EMC2: variants seen among roughly 807,000 people sequenced by gnomAD.
The protein encoded by EMC2 is ER membrane protein complex subunit 2.
Under a neutral mutation model 51.6 loss-of-function variants are expected in EMC2, and 37 were observed. The observed-to-expected ratio is 0.72, with a 90% CI of 0.55 to 0.94. The LOEUF is 0.94. Ranked by LOEUF, EMC2 falls within the 40% of genes least tolerant of loss-of-function variation. EMC2 has a pLI of 0.00. For missense variants in EMC2, 359 were observed against 350.9 expected, an observed-to-expected ratio of 1.02 and a Z score of -0.18; for synonymous variants, 131 against 112.4, an observed-to-expected ratio of 1.17 and a Z score of -1.04.
intron 7 of EMC2, among the ~76,000 whole-genome samples, chr8:108,471,358 G>T (rs1316603892): frequency 6.6e-6 from 1 of 151,512 alleles, no homozygotes; most frequent in African/African-American, 2.4e-5. Flanking sequence ...ACTTTCTAAA[G>T]ATTTTCTGAC....
At chr8:108,457,048 A>G (rs765156742) in intron 5 of EMC2, among the ~76,000 whole-genome samples, 2 of 152,194 alleles carry the variant, frequency 1.3e-5, no homozygotes, top group South Asian at 2.1e-4. Flanking sequence ...AGATTTTAAG[A>G]TGTAAAATGC....
intron 7 of EMC2, among the ~76,000 whole-genome samples, chr8:108,471,250 T>C (rs540485945): frequency 6.6e-6 from 1 of 152,102 alleles, no homozygotes; most frequent in East Asian, 1.9e-4. Context: ...TACTTATATT[T>C]AAATACATGA....
chr8:108,479,296 C>G (rs1811004707), intron 10 of EMC2, among the ~76,000 whole-genome samples, 186 bp downstream of exon 10: 1 of 152,016 alleles, frequency 6.6e-6, no homozygotes, highest in African/African-American at 2.4e-5. Context: ...CAAGAGGAAT[C>G]TGTTAGTATT....
Position 108,471,271 on chromosome 8 carries a change from TTAGAG to T in EMC2, c.509+1153_509+1157del, listed in dbSNP as rs886760533. On this transcript the variant is annotated intron_variant, in intron 7 of 10. Coordinates refer to ENST00000220853, the MANE Select transcript of EMC2 (RefSeq NM_014673.5). ...TATTTAAATACATGAAATTGAATTT[TTAGAG>T]TATAGTAAAAATAATTAGCATTAAT... Among the ~76,000 whole-genome samples, 5 of 152,122 alleles carry T rather than the reference TTAGAG, an allele frequency of 3.3e-5. No homozygotes were observed. The East Asian group carries it at 7.7e-4, about 23-fold the overall frequency.
intron 3 of EMC2, among the ~76,000 whole-genome samples, chr8:108,452,185 A>T (rs934751286): frequency 6.6e-6 from 1 of 152,208 alleles, no homozygotes; most frequent in African/African-American, 2.4e-5. Flanking sequence ...TTGATGAGTC[A>T]ATTATGGATA....
At chr8:108,472,755 C>T (rs1810879546) in intron 7 of EMC2, among the ~76,000 whole-genome samples, 1 of 151,798 alleles carries the variant, frequency 6.6e-6, no homozygotes, top group Admixed American at 6.6e-5. Flanking sequence ...GACACAGTGG[C>T]AAAAACGTAG....
intron 10 of EMC2, among the ~76,000 whole-genome samples, chr8:108,481,961 A>G (rs1222037535): frequency 6.6e-6 from 1 of 152,284 alleles, no homozygotes; most frequent in East Asian, 1.9e-4. Context: ...TGTTTGGGCT[A>G]TTTTGAATAA....
intron 3 of EMC2, among the ~76,000 whole-genome samples, chr8:108,451,689 A>G (rs535976908): frequency 6.6e-6 from 1 of 152,214 alleles, no homozygotes; most frequent in Non-Finnish European, 1.5e-5. Context: ...TTATGTCTTG[A>G]GAGAGGTTTT....
chr8:108,468,393 C>T (rs750936830), intron 5 of EMC2, among the ~76,000 whole-genome samples: 2 of 152,236 alleles, frequency 1.3e-5, no homozygotes, highest in Non-Finnish European at 2.9e-5. Flanking sequence ...TACTATGTGA[C>T]AGGCATTGTG....
intron 5 of EMC2, 94 bp downstream of exon 5, chr8:108,456,024 T>C (rs1175399041): frequency 4.9e-6 from 2 of 405,148 alleles, no homozygotes; most frequent in Admixed American, 4.4e-5. Flanking sequence ...AACTAGGTCT[T>C]ATATTTTTAA....
chr8:108,479,200 T>C (rs1811002712), intron 10 of EMC2, 90 bp downstream of exon 10: 1 of 581,384 alleles, frequency 1.7e-6, no homozygotes, highest in Non-Finnish European at 2.8e-6. Context: ...ATGTCTAGCA[T>C]TGGACTTATA....
Position 108,475,860 on chromosome 8 carries a change from TCTC to T in EMC2, c.510-18_510-16del. ...AAATTTGTGACTTTAAAAATTAATT[TCTC>T]CTCTTGATGTGTTTTTAGCTATGCA... On this transcript the variant is annotated intron_variant, in intron 7 of 10. Coordinates refer to ENST00000220853, the MANE Select transcript of EMC2 (RefSeq NM_014673.5). 1 of 1,419,624 alleles carries T rather than the reference TCTC, an allele frequency of 7.0e-7. No individual in the cohort carries two copies. Among genetic ancestry groups the T allele is most frequent in the Middle Eastern group, 1.8e-4 (1 of 5,632 alleles). 87.9% of individuals were successfully genotyped at this position (1,419,624 alleles called of 1,614,324 possible).
intron 1 of EMC2, chr8:108,446,391 T>A (rs1199550992): frequency 8.8e-6 from 3 of 341,446 alleles, no homozygotes; most frequent in African/African-American, 2.1e-5. Context: ...TGAATTTGGG[T>A]TGAGAGATCA....
At chr8:108,443,813 T>G in intron 1 of EMC2, 115 bp downstream of exon 1, 1 of 882,890 alleles carries the variant, frequency 1.1e-6, no homozygotes, top group South Asian at 1.5e-5. Flanking sequence ...ACCAGAGCCC[T>G]CACTGTACGG....
intron 5 of EMC2, among the ~76,000 whole-genome samples, chr8:108,458,167 TG>T (rs1454815534): frequency 6.6e-6 from 1 of 152,266 alleles, no homozygotes; most frequent in Non-Finnish European, 1.5e-5. Context: ...CCTATGGTCT[TG>T]GGCAGCTCCG....
At chr8:108,474,030 C>T (rs1415928448) in intron 7 of EMC2, 1 of 152,024 alleles carries the variant, frequency 6.6e-6, no homozygotes, top group Non-Finnish European at 1.5e-5. Context: ...ATCTGTTGAG[C>T]TCCTTCTAGC....
chr8:108,469,684 T>C, intron 5 of EMC2, 142 bp from the exon 6 acceptor site: 1 of 620,246 alleles, frequency 1.6e-6, no homozygotes, highest in South Asian at 2.0e-5. Flanking sequence ...TCATGGGGTA[T>C]GTTTATAAAC....
At chr8:108,471,165 G>A (rs1370404048) in intron 7 of EMC2, among the ~76,000 whole-genome samples, 2 of 152,014 alleles carry the variant, frequency 1.3e-5, no homozygotes, top group Non-Finnish European at 2.9e-5. Context: ...ATCACATTCA[G>A]TATAGATGAT....
At chr8:108,451,730 T>C (rs924504716) in intron 3 of EMC2, among the ~76,000 whole-genome samples, 1 of 152,178 alleles carries the variant, frequency 6.6e-6, no homozygotes, top group East Asian at 1.9e-4. Flanking sequence ...TAGCCAAATA[T>C]CACTTGATAA....
Sources: allele counts gnomAD v4.1 joint callset (sites outside exome capture counted in the v4.1 genomes callset), GRCh38; gene constraint gnomAD v4.1.1; transcripts MANE v1.5; gene names NCBI Gene and HGNC (gene_info 2026-07-23, HGNC 2026-07-21).